MVP: variants seen among roughly 807,000 people sequenced by gnomAD.
The protein encoded by MVP is lung resistance-related protein.
MVP carries 62 observed loss-of-function variants against 83.5 expected under a neutral mutation model. The observed-to-expected ratio is 0.74, with a 90% CI of 0.61 to 0.92. MVP has a LOEUF of 0.92. MVP is among the 40% of genes least tolerant of loss of function. MVP has a pLI of 0.00. For synonymous variants in MVP, 505 were observed against 504.1 expected (o/e 1.00, Z -0.02); for missense variants, 1,000 against 1,203.4 (o/e 0.83, Z 2.50).
intron 3 of MVP, chr16:29,831,618 A>G (rs766216994): frequency 2.2e-6 from 1 of 456,144 alleles, no homozygotes; most frequent in South Asian, 1.5e-5. Flanking sequence ...TTTTCTGAGA[A>G]CTGTTGGCCC....
Position 29,834,156 on chromosome 16 carries a change from A to G in MVP, c.577+90A>G. 4 of 1,517,364 alleles carry G rather than the reference A, an allele frequency of 2.6e-6. No individual in the cohort carries two copies. In the South Asian group the frequency reaches 4.8e-5, roughly 18 times the overall value. 94.0% of individuals were successfully genotyped at this position (1,517,364 alleles called of 1,614,324 possible). A position where few individuals can be genotyped will look rare whatever the true frequency, so the allele number is the denominator to read the frequency against. ...GGGAAGGTTGAGGAAAGCCTCCTGT[A>G]GCCCCAGAGAGGCGCTTTCCTGGTA... On this transcript the variant is annotated intron_variant, in intron 5 of 14. Coordinates refer to ENST00000357402, the MANE Select transcript of MVP (RefSeq NM_005115.5).
intron 1 of MVP, among the ~76,000 whole-genome samples, chr16:29,824,120 G>T (rs2067386774): frequency 6.9e-6 from 1 of 145,884 alleles, no homozygotes; most frequent in African/African-American, 2.5e-5. Flanking sequence ...GGAGGCTGAA[G>T]CAGGAGAATT....
rs745924270 is a variant in MVP at position 29,842,013 on chromosome 16, G to A, written c.1535G>A (p.Arg512His). Residue 512 changes from arginine (R) to histidine (H), a missense_variant, in exon 10 of 15, where the codon CGT (arginine) becomes CAT (histidine). By Grantham distance (29) the Arg-to-His change is conservative (BLOSUM62 0). Coordinates refer to ENST00000357402, the MANE Select transcript of MVP (RefSeq NM_005115.5). ...CGGCCCAAGCGTCCCCATGCCCGCC[G>A]TGCGCTCTGCCTGCTGCTGGGGCCT... The part of the protein sequence containing the change: ...AGRPKRPHAR[R>H]ALCLLLGPDF... The A allele has an allele frequency of 2.2e-5, 36 of 1,611,612 alleles. No individual in the cohort carries two copies. Among genetic ancestry groups the A allele is most frequent in the Non-Finnish European group, 2.7e-5 (32 of 1,179,986 alleles).
intron 12 of MVP, 44 bp from the exon 13 acceptor site, chr16:29,846,114 C>G (rs2067583016): frequency 1.2e-6 from 2 of 1,600,588 alleles, no homozygotes; most frequent in Non-Finnish European, 8.5e-7. Flanking sequence ...CGTGGGGGGA[C>G]TGGGCTGTCT....
chr16:29,840,462 A>G lies in MVP; in HGVS notation c.1191+3A>G. On this transcript the variant is annotated splice_donor_region_variant and intron_variant, in intron 8 of 14. Coordinates refer to ENST00000357402, the MANE Select transcript of MVP (RefSeq NM_005115.5). ...TGCAGGATGTCAAGACCGGAAAGGT[A>G]ATGGCTGGGAGTGAGCAGCAGTGCT... 6.4e-7 allele frequency: 1 copy of G among 1,563,884 alleles called. No homozygotes were observed. The highest frequency in any genetic ancestry group is 8.7e-7 in the Non-Finnish European group (1 of 1,153,414).
intron 14 of MVP, 49 bp downstream of exon 14, chr16:29,847,434 G>A (rs2067594886): frequency 1.3e-6 from 2 of 1,489,650 alleles, no homozygotes; most frequent in South Asian, 1.4e-5. Context: ...CTTGAAACCA[G>A]GAAGGCAGAG....
At position 29,834,208 on chromosome 16, in the gene MVP, C is replaced by A. The variant is rs1288388639; in HGVS notation, c.577+142C>A. On this transcript the variant is annotated intron_variant, in intron 5 of 14. Transcript: ENST00000357402. ...CTTTTGAAAGCTGTTGAGGGCCACCCACTGCTCTTCCTTCCCCACCCCCGC... is the reference window on the plus strand; with the variant it reads ...CTTTTGAAAGCTGTTGAGGGCCACCAACTGCTCTTCCTTCCCCACCCCCGC... The A allele has an allele frequency of 8.7e-6, 10 of 1,153,820 alleles. No homozygotes were observed. In the East Asian group the frequency reaches 2.2e-4, roughly 25 times the overall value. 71.5% of individuals were successfully genotyped at this position (1,153,820 alleles called of 1,614,324 possible).
rs1210205703 is a variant in MVP at position 29,844,563 on chromosome 16, G to A, written c.1705G>A (p.Gly569Ser). The change falls in exon 11 of 15, where the codon GGT becomes AGT. Residue 569 changes from glycine to serine, a missense_variant. Transcript: ENST00000357402. Reference sequence around the variant, plus strand: ...GCTCTTTTCAGTGCCAGACTTTGTAGGTGATGCCTGCAAAGCCATCGCATC... The same window carrying A: ...GCTCTTTTCAGTGCCAGACTTTGTAAGTGATGCCTGCAAAGCCATCGCATC... ...AKLFSVPDFV[G>S]DACKAIASRV... 1 of 1,605,782 alleles carries A rather than the reference G, an allele frequency of 6.2e-7. No homozygotes were observed. Among genetic ancestry groups the A allele is most frequent in the African/African-American group, 1.3e-5 (1 of 74,902 alleles).
At chr16:29,837,393 A>G (rs1378031641) in intron 7 of MVP, among the ~76,000 whole-genome samples, 1 of 152,242 alleles carries the variant, frequency 6.6e-6, no homozygotes, top group Non-Finnish European at 1.5e-5. Flanking sequence ...TACTGCAGGC[A>G]GCTGAACACA....
In MVP at chr16:29,845,847, G is replaced by T. The variant is rs374784477; in HGVS notation, c.2022-16G>T. The stretch of plus-strand genomic sequence containing the variant: ...GGCCCCATGCCAGCCTCTCACCTGC[G>T]CTCCGTCTCCTCCAGGCATGAGGCT... On this transcript the variant is annotated splice_polypyrimidine_tract_variant and intron_variant, in intron 11 of 14. Transcript: ENST00000357402. The T allele has an allele frequency of 2.4e-5, 38 of 1,611,556 alleles. No homozygotes were observed. Among genetic ancestry groups the T allele is most frequent in the Middle Eastern group, 1.7e-4 (1 of 6,020 alleles).
At chr16:29,838,204 C>T (rs923124934) in intron 7 of MVP, among the ~76,000 whole-genome samples, 1 of 151,720 alleles carries the variant, frequency 6.6e-6, no homozygotes, top group Non-Finnish European at 1.5e-5. Flanking sequence ...GAGTCCAAAG[C>T]GGGTGGATCG....
chr16:29,832,292 C>CTTTTTTTTTTT (rs36059297), intron 3 of MVP, among the ~76,000 whole-genome samples: 1 of 107,312 alleles, frequency 9.3e-6, no homozygotes, highest in Non-Finnish European at 1.8e-5. Context: ...ATTCTTGTAC[C>CTTTTTTTTTTT]TTTTTTTTTT....
Position 29,830,900 on chromosome 16 carries a change from A to G in MVP, c.148A>G (p.Met50Val). ...CAGGGTACTGTTTGCCCCCATGCGC[A>G]TGGTGACCGTCCCCCCACGTCACTA... The part of the protein sequence containing the change: ...NERVLFAPMR[M>V]VTVPPRHYCT... Residue 50 changes from methionine (M) to valine (V), a missense_variant, in exon 3 of 15, where the codon ATG becomes GTG. Transcript: ENST00000357402. 1 of 1,612,912 alleles carries G rather than the reference A, an allele frequency of 6.2e-7. No individual in the cohort carries two copies.
rs566180980 is a variant in MVP, at chr16:29,847,058, C to T, written c.2266-139C>T. The T allele has an allele frequency of 1.5e-5, 13 of 888,938 alleles. 2 individuals carry two copies. The South Asian group carries it at 1.9e-4, about 13-fold the overall frequency. The allele number at this position is 888,938 out of a possible 1,614,324, so 55.1% of individuals were successfully genotyped here. On this transcript the variant is annotated intron_variant, in intron 13 of 14. Transcript: ENST00000357402. Reference sequence around the variant, plus strand: ...TTTTTTAATTGACTGGGTGTGGTGGCACATGCCTGTAGTCCCAGCTACCCA... The same window carrying T: ...TTTTTTAATTGACTGGGTGTGGTGGTACATGCCTGTAGTCCCAGCTACCCA...
intron 1 of MVP, among the ~76,000 whole-genome samples, chr16:29,828,725 G>C (rs1279863790): frequency 6.6e-6 from 1 of 152,192 alleles, no homozygotes; most frequent in Non-Finnish European, 1.5e-5. Context: ...CAATGGCATA[G>C]CTGTAAGGCA....
At position 29,822,579 on chromosome 16, in the gene MVP, C is replaced by CCGACCTTA. The variant is rs1389277232; in HGVS notation, c.-36+2072_-36+2079dup. On this transcript the variant is annotated intron_variant, in intron 1 of 14. Transcript: ENST00000357402. ...AAGGTCTGGGGGCAGGGCCGCATCA[C>CCGACCTTA]CGACCTTACGTCCAACCTCAGGACT... The CCGACCTTA allele has an allele frequency of 2.4e-4, 36 of 152,300 alleles. 1 individual carries two copies. The East Asian group carries it at 6.2e-3, about 26-fold the overall frequency. 9.4% of individuals were successfully genotyped at this position (152,300 alleles called of 1,614,324 possible).
chr16:29,834,493 A>AC (rs2067469599), intron 5 of MVP: 1 of 227,282 alleles, frequency 4.4e-6, no homozygotes, highest in Non-Finnish European at 8.9e-6. Flanking sequence ...ACACAGTGAG[A>AC]CCCCATCTCT....
intron 13 of MVP, 117 bp downstream of exon 13, chr16:29,846,401 G>A: frequency 1.4e-6 from 2 of 1,397,636 alleles, no homozygotes; most frequent in Non-Finnish European, 1.9e-6. Flanking sequence ...CCCTATCCAA[G>A]TACTTTGCAT....
chr16:29,822,091 T>TG (rs896723412), intron 1 of MVP, among the ~76,000 whole-genome samples: 4 of 151,492 alleles, frequency 2.6e-5, no homozygotes, highest in Admixed American at 2.0e-4. Context: ...GGTTTTGTTT[T>TG]TTTTTTTTTT....
Sources: allele counts gnomAD v4.1 joint callset (sites outside exome capture counted in the v4.1 genomes callset), GRCh38; gene constraint gnomAD v4.1.1; transcripts MANE v1.5; gene names NCBI Gene and HGNC (gene_info 2026-07-23, HGNC 2026-07-21).